RUNDC3B: variants seen among roughly 807,000 people sequenced by gnomAD.
RUNDC3B encodes the protein RUN domain-containing protein 3B.
In RUNDC3B, 33 loss-of-function variants were observed where a neutral mutation model predicts 58.4. The ratio of observed to expected loss-of-function variants is 0.56; its 90% CI spans 0.43 to 0.75. The LOEUF (loss-of-function observed/expected upper bound fraction) is 0.75. Among genes scored for constraint, RUNDC3B ranks in the 30% least tolerant of loss-of-function variants. The pLI, the probability that RUNDC3B is intolerant of heterozygous loss-of-function variation, is 0.00. For missense variants in RUNDC3B, 501 were observed against 535.7 expected, an observed-to-expected ratio of 0.94 and a Z score of 0.64; for synonymous variants, 193 against 195.2, an observed-to-expected ratio of 0.99 and a Z score of 0.10.
intron 1 of RUNDC3B, among the ~76,000 whole-genome samples, chr7:87,639,153 C>CAAAAAA (rs71117547): frequency 1.1e-5 from 1 of 87,708 alleles, no homozygotes; most frequent in African/African-American, 4.7e-5. Context: ...GACTCCGTCT[C>CAAAAAA]AAAAAAAAAA....
intron 10 of RUNDC3B, among the ~76,000 whole-genome samples, chr7:87,827,671 A>C (rs904052879): frequency 6.6e-6 from 1 of 152,174 alleles, no homozygotes; most frequent in Non-Finnish European, 1.5e-5. Flanking sequence ...AGGAAACAGA[A>C]ATCCAGTGAC....
chr7:87,714,246 A>C (rs1337477967), intron 4 of RUNDC3B, among the ~76,000 whole-genome samples: 1 of 152,120 alleles, frequency 6.6e-6, no homozygotes, highest in Non-Finnish European at 1.5e-5. Flanking sequence ...TAATAGACAC[A>C]CACAAGATAG....
chr7:87,670,909 A>T (rs895993772), intron 2 of RUNDC3B, among the ~76,000 whole-genome samples: 3 of 152,148 alleles, frequency 2.0e-5, no homozygotes. Flanking sequence ...TCCCCCTTGA[A>T]TGCTGGCTGT....
Position 87,829,877 on chromosome 7 carries a change from A to C in RUNDC3B, c.1226-8A>C. The C allele has an allele frequency of 6.3e-7, 1 of 1,582,406 alleles. No homozygotes were observed. Among genetic ancestry groups the C allele is most frequent in the Non-Finnish European group, 8.6e-7 (1 of 1,162,918 alleles). On this transcript the variant is annotated splice_region_variant and splice_polypyrimidine_tract_variant and intron_variant, in intron 10 of 10. Transcript: ENST00000394654. Reference sequence around the variant, plus strand: ...ATTAATTATTTGCTATTTAATTCTAATTTTCAGGTAAGGAAGATACTCCCT... The same window carrying C: ...ATTAATTATTTGCTATTTAATTCTACTTTTCAGGTAAGGAAGATACTCCCT...
chr7:87,719,911 C>T (rs538810625), intron 4 of RUNDC3B, among the ~76,000 whole-genome samples: 78 of 149,282 alleles, frequency 5.2e-4, no homozygotes, highest in African/African-American at 1.9e-3. Context: ...CTATATAACC[C>T]TATGTAGGTA....
At position 87,628,572 on chromosome 7, in the gene RUNDC3B, GGTGC is replaced by G. The variant is rs1226549428; in HGVS notation, c.-240_-237del. 685 of 326,644 alleles carry G rather than the reference GGTGC, an allele frequency of 2.1e-3. 1 individual carries two copies. Among genetic ancestry groups the G allele is most frequent in the Non-Finnish European group, 2.5e-3 (468 of 184,962 alleles). The allele number at this position is 326,644 out of a possible 1,614,324, so 20.2% of individuals were successfully genotyped here. On this transcript the variant is annotated 5_prime_UTR_variant, in exon 1 of 11. Coordinates refer to ENST00000394654, the MANE Select transcript of RUNDC3B (RefSeq NM_001134405.2). ...TCGGCGGCGCGCCGAGGGCGGAGGT[GGTGC>G]GTGCGTGCGTGTGTGTGTGTGTGTG...
At chr7:87,749,879 TA>T (rs1832862977) in intron 6 of RUNDC3B, among the ~76,000 whole-genome samples, 1 of 152,048 alleles carries the variant, frequency 6.6e-6, no homozygotes, top group South Asian at 2.1e-4. Flanking sequence ...AATTTATTTT[TA>T]TTTTTTTATT....
At chr7:87,725,185 C>T (rs907380320) in intron 4 of RUNDC3B, among the ~76,000 whole-genome samples, 3 of 152,130 alleles carry the variant, frequency 2.0e-5, no homozygotes, top group Admixed American at 2.0e-4. Context: ...TGGTGTGCTG[C>T]ACCCATTAAC....
intron 8 of RUNDC3B, among the ~76,000 whole-genome samples, chr7:87,779,054 T>G (rs958535843): frequency 1.1e-4 from 16 of 152,176 alleles, no homozygotes; most frequent in Admixed American, 9.2e-4. Flanking sequence ...CTTGAGAGGT[T>G]GCATACATTA....
At chr7:87,773,004 AG>A (rs1428707821) in intron 7 of RUNDC3B, among the ~76,000 whole-genome samples, 2 of 152,122 alleles carry the variant, frequency 1.3e-5, no homozygotes, top group Non-Finnish European at 2.9e-5. Flanking sequence ...TTAAGACTAA[AG>A]AAAGACATTG....
At chr7:87,636,475 T>G (rs991084514) in intron 1 of RUNDC3B, among the ~76,000 whole-genome samples, 1 of 152,200 alleles carries the variant, frequency 6.6e-6, no homozygotes, top group Non-Finnish European at 1.5e-5. Flanking sequence ...GGGAATCTTT[T>G]GTTGGATACA....
rs1838139439 is a variant in RUNDC3B, at chr7:87,831,750, A to C, written c.*1720A>C. ...GGGAGTGAGGAAATGGATAAAGAGA[A>C]ATTTGAAAATTTTAGGCTGGACTTG... On this transcript the variant is annotated 3_prime_UTR_variant, in exon 11 of 11. Transcript: ENST00000394654. 6.6e-6 allele frequency: 1 copy of C among 151,896 alleles called. No individual in the cohort carries two copies. The highest frequency in any genetic ancestry group is 1.5e-5 in the Non-Finnish European group (1 of 67,858). 9.4% of individuals were successfully genotyped at this position (151,896 alleles called of 1,614,324 possible).
intron 1 of RUNDC3B, among the ~76,000 whole-genome samples, chr7:87,645,995 T>C (rs1461278167): frequency 6.6e-6 from 1 of 152,250 alleles, no homozygotes; most frequent in Non-Finnish European, 1.5e-5. Context: ...TTGTAATGCT[T>C]TCTCACCCTT....
intron 10 of RUNDC3B, among the ~76,000 whole-genome samples, chr7:87,824,388 A>G (rs943961714): frequency 1.3e-5 from 2 of 152,212 alleles, no homozygotes; most frequent in Admixed American, 6.5e-5. Flanking sequence ...GTCTGCCACC[A>G]TGTGAGATGT....
In RUNDC3B at chr7:87,628,618, TGTG is replaced by T. The variant is rs1820855807; in HGVS notation, c.-205_-203del. On this transcript the variant is annotated 5_prime_UTR_variant, in exon 1 of 11. Coordinates refer to ENST00000394654, the MANE Select transcript of RUNDC3B (RefSeq NM_001134405.2). Reference sequence around the variant, plus strand: ...GTGTGTGTGTGTGTGTGTGTGTGTGTGTGTGTGGAGCTCGGGTGCCAAGGGCGA... The same window carrying T: ...GTGTGTGTGTGTGTGTGTGTGTGTGTTGTGGAGCTCGGGTGCCAAGGGCGA... The T allele has an allele frequency of 1.3e-5, 4 of 306,342 alleles. No homozygotes were observed. Among genetic ancestry groups the T allele is most frequent in the African/African-American group, 7.4e-5 (3 of 40,492 alleles). 19.0% of individuals were successfully genotyped at this position (306,342 alleles called of 1,614,324 possible). A position where few individuals can be genotyped will look rare whatever the true frequency, so the allele number is the denominator to read the frequency against.
At chr7:87,666,130 T>C (rs183313217) in intron 2 of RUNDC3B, among the ~76,000 whole-genome samples, 4 of 152,286 alleles carry the variant, frequency 2.6e-5, no homozygotes. Context: ...TCCCCTTTTC[T>C]CTGCAACATC....
At chr7:87,802,118 G>A (rs1584243889) in intron 8 of RUNDC3B, among the ~76,000 whole-genome samples, 1 of 152,208 alleles carries the variant, frequency 6.6e-6, no homozygotes. Context: ...TAGACCGGCT[G>A]CAGTGGCTCA....
chr7:87,726,591 A>G (rs1464597569), intron 4 of RUNDC3B, among the ~76,000 whole-genome samples: 1 of 152,056 alleles, frequency 6.6e-6, no homozygotes, highest in African/African-American at 2.4e-5. Context: ...TTTTGATTCC[A>G]TATGAACTTT....
At chr7:87,769,054 G>T (rs947686454) in intron 6 of RUNDC3B, among the ~76,000 whole-genome samples, 1 of 152,026 alleles carries the variant, frequency 6.6e-6, no homozygotes, top group Non-Finnish European at 1.5e-5. Flanking sequence ...AGGCTGGAGT[G>T]CAGTGGCACA....
Sources: gnomAD v4.1 joint callset for allele counts (sites outside exome capture counted in the v4.1 genomes callset) on GRCh38, gnomAD v4.1.1 for gene constraint, MANE v1.5 for transcripts, NCBI Gene and HGNC (gene_info 2026-07-23, HGNC 2026-07-21) for gene names.